Variants in HMCN1 observed in about 807,000 individuals in gnomAD.
HMCN1 encodes the protein hemicentin 1.
In HMCN1, 321 loss-of-function variants were observed where a neutral mutation model predicts 625.9. The observed-to-expected ratio is 0.51, with a 90% confidence interval of 0.47 to 0.56. HMCN1 has a LOEUF of 0.56. HMCN1 is among the 20% of genes least tolerant of loss of function. HMCN1 has a pLI of 0.00. For synonymous variants in HMCN1, 2,425 were observed against 2,417.6 expected (o/e 1.00, Z -0.09); for missense variants, 6,588 against 6,887.3 (o/e 0.96, Z 1.54).
intron 1 of HMCN1, among the ~76,000 whole-genome samples, chr1:185,786,871 T>G (rs1332478196): frequency 6.6e-6 from 1 of 152,196 alleles, no homozygotes; most frequent in Non-Finnish European, 1.5e-5. Context: ...AATGCTACGT[T>G]TGCCAACATT....
At position 185,748,517 on chromosome 1, in the gene HMCN1, CTT is replaced by C. The variant is rs201096956; in HGVS notation, c.268+13471_268+13472del. Among the ~76,000 whole-genome samples the C allele has an allele frequency of 1.3e-3, 191 of 152,252 alleles. 2 individuals are homozygous for C. In the East Asian group the frequency reaches 0.032, roughly 25 times the overall value. ...TTCTATATTTATTGTATGTTATGGA[CTT>C]AATTTGTGCCTTTGATAATATTACC... On this transcript the variant is annotated intron_variant, in intron 1 of 106. Transcript: ENST00000271588.
At chr1:186,063,633 G>A (rs897912323) in intron 48 of HMCN1, among the ~76,000 whole-genome samples, 3 of 151,922 alleles carry the variant, frequency 2.0e-5, no homozygotes, top group Admixed American at 1.3e-4. Context: ...CTGTGTTTGT[G>A]CCTTCCTTTT....
chr1:185,762,239 A>G (rs919259361), intron 1 of HMCN1, among the ~76,000 whole-genome samples: 3 of 152,190 alleles, frequency 2.0e-5, no homozygotes, highest in Admixed American at 2.0e-4. Flanking sequence ...TGATAGTTTT[A>G]AGATCTCCAT....
intron 16 of HMCN1, among the ~76,000 whole-genome samples, chr1:185,979,510 T>G (rs1179995383): frequency 6.6e-6 from 1 of 152,226 alleles, no homozygotes; most frequent in Non-Finnish European, 1.5e-5. Context: ...AATTAAATTG[T>G]CTGGAAGGAA....
intron 64 of HMCN1, among the ~76,000 whole-genome samples, chr1:186,092,616 T>C (rs1051587719): frequency 6.6e-6 from 1 of 150,742 alleles, no homozygotes; most frequent in Non-Finnish European, 1.5e-5. Flanking sequence ...CTTTTACTAT[T>C]ATGTAATTCA....
At chr1:185,907,285 A>G (rs1231648172) in intron 4 of HMCN1, among the ~76,000 whole-genome samples, 4 of 152,018 alleles carry the variant, frequency 2.6e-5, no homozygotes, top group African/African-American at 2.4e-5. Flanking sequence ...AATTAGTTGT[A>G]TTAAATTTTG....
intron 28 of HMCN1, among the ~76,000 whole-genome samples, chr1:186,002,794 C>A (rs12091512): frequency 0.043 from 6,509 of 152,114 alleles, 478 homozygotes; most frequent in African/African-American, 0.15. Context: ...GGTTGCCTTC[C>A]TTGATCCCCA....
intron 68 of HMCN1, among the ~76,000 whole-genome samples, chr1:186,101,060 G>C (rs1408903963): frequency 6.6e-6 from 1 of 152,034 alleles, no homozygotes; most frequent in East Asian, 1.9e-4. Context: ...TGCTAAAGAG[G>C]CTAGGAAATG....
chr1:186,172,494 A>G (rs1012085427), intron 102 of HMCN1, among the ~76,000 whole-genome samples: 1 of 152,224 alleles, frequency 6.6e-6, no homozygotes, highest in African/African-American at 2.4e-5. Context: ...AGAGATTAAA[A>G]TTCAAAATAT....
rs1347072582 is a variant in HMCN1, at chr1:186,182,171, T to C, written c.16298T>C (p.Ile5433Thr). Reference sequence around the variant, plus strand: ...TCTCTGTCTTCTTCCTGAACAGATATTGATGAATGTGAAAATACAGATGCC... The same window carrying C: ...TCTCTGTCTTCTTCCTGAACAGATACTGATGAATGTGAAAATACAGATGCC... ...SEASHDTCVD[I>T]DECENTDACQ... Residue 5433 changes from isoleucine to threonine, a missense_variant, in exon 105 of 107, where the codon ATT (isoleucine) becomes ACT (threonine). Around this residue, in one of 3 missense-constraint regions of HMCN1, gnomAD observed 1,954 missense variants for 2,013.1 expected, o/e 0.97. Coordinates refer to ENST00000271588, the MANE Select transcript of HMCN1 (RefSeq NM_031935.3). 2 of 1,613,048 alleles carry C rather than the reference T, an allele frequency of 1.2e-6. No homozygotes were observed. The highest frequency in any genetic ancestry group is 8.5e-7 in the Non-Finnish European group (1 of 1,179,268).
intron 29 of HMCN1, among the ~76,000 whole-genome samples, chr1:186,006,348 CT>C (rs918416127): frequency 6.6e-6 from 1 of 152,116 alleles, no homozygotes; most frequent in Admixed American, 6.6e-5. Flanking sequence ...GTCATTGCAA[CT>C]TTTAAAAAAC....
intron 1 of HMCN1, among the ~76,000 whole-genome samples, chr1:185,754,138 A>G (rs75692092): frequency 0.022 from 3,276 of 152,312 alleles, 95 homozygotes; most frequent in African/African-American, 0.074. Flanking sequence ...AACCCAGAAG[A>G]CATTATGCTA....
At chr1:185,954,656 T>C (rs1003826682) in intron 11 of HMCN1, among the ~76,000 whole-genome samples, 3 of 152,268 alleles carry the variant, frequency 2.0e-5, no homozygotes, top group East Asian at 1.9e-4. Flanking sequence ...CTGACAGCTA[T>C]GGAGATAAAA....
At position 186,051,945 on chromosome 1, in the gene HMCN1, G is replaced by A. The variant is rs967227238; in HGVS notation, c.6578-1007G>A. Among the ~76,000 whole-genome samples, 19 of 151,970 alleles carry A rather than the reference G, an allele frequency of 1.3e-4. 1 individual carries two copies. The highest frequency in any genetic ancestry group is 7.2e-4 in the Admixed American group (11 of 15,218). On this transcript the variant is annotated intron_variant, in intron 42 of 106. Coordinates refer to ENST00000271588, the MANE Select transcript of HMCN1 (RefSeq NM_031935.3). ...ACAGGAGAAATGTTCTAGATGATGG[G>A]AAGGCCTATGGTATGGCTTCTGATG...
intron 35 of HMCN1, among the ~76,000 whole-genome samples, chr1:186,021,861 G>T (rs1654743988): frequency 6.6e-6 from 1 of 152,042 alleles, no homozygotes; most frequent in African/African-American, 2.4e-5. Flanking sequence ...AACAGCTGGG[G>T]AGGTTGGAGA....
chr1:186,101,116 T>G (rs780890370), intron 68 of HMCN1, among the ~76,000 whole-genome samples: 4 of 151,998 alleles, frequency 2.6e-5, no homozygotes, highest in Non-Finnish European at 5.9e-5. Context: ...TTGAGTCTGT[T>G]AATCAGAAAG....
chr1:185,906,183 A>T (rs933255496), intron 4 of HMCN1, among the ~76,000 whole-genome samples: 2 of 151,818 alleles, frequency 1.3e-5, no homozygotes, highest in African/African-American at 4.8e-5. Flanking sequence ...CTTATGGTAC[A>T]TTCTGTAGCT....
chr1:186,038,412 T>C (rs1184404621), intron 37 of HMCN1, among the ~76,000 whole-genome samples: 1 of 152,170 alleles, frequency 6.6e-6, no homozygotes, highest in Non-Finnish European at 1.5e-5. Flanking sequence ...GTTTTGTATA[T>C]TCCCACCACT....
chr1:186,171,579 A>G (rs1345156333), intron 101 of HMCN1, 129 bp downstream of exon 101: 4 of 749,466 alleles, frequency 5.3e-6, no homozygotes, highest in Non-Finnish European at 9.2e-6. Context: ...GCATGTATGC[A>G]ATCCATGCAA....
Sources: gnomAD v4.1 joint callset for allele counts (sites outside exome capture counted in the v4.1 genomes callset) on GRCh38, gnomAD v4.1.1 for gene constraint, gnomAD v4.1.1 regional missense constraint, MANE v1.5 for transcripts, NCBI Gene and HGNC (gene_info 2026-07-23, HGNC 2026-07-21) for gene names.